The following MLXIP variants were observed in gnomAD, a reference collection of about 807,000 sequenced individuals.
The protein encoded by MLXIP is MLX interacting protein.
A neutral mutation model predicts 87.2 loss-of-function variants in MLXIP; 30 were observed. The observed-to-expected ratio is 0.34, with a 90% confidence interval of 0.26 to 0.47. MLXIP has a LOEUF of 0.47. Among genes scored for constraint, MLXIP ranks in the 20% least tolerant of loss-of-function variants. The probability of loss-of-function intolerance (pLI) is 1.00; values close to 1 mark genes in which losing one functional copy is unlikely to be tolerated. For synonymous variants in MLXIP, 530 were observed against 514.0 expected (o/e 1.03, Z -0.42); for missense variants, 1,002 against 1,240.1 (o/e 0.81, Z 2.88).
At chr12:122,132,408 G>C in intron 8 of MLXIP, 25 bp downstream of exon 8, 1 of 1,576,488 alleles carries the variant, frequency 6.3e-7, no homozygotes, top group South Asian at 1.1e-5. Context: ...GGGATGGGTG[G>C]GGGAAGGGGC....
chr12:122,102,042 T>G (rs1332017652), intron 1 of MLXIP, among the ~76,000 whole-genome samples: 1 of 152,204 alleles, frequency 6.6e-6, no homozygotes, highest in Non-Finnish European at 1.5e-5. Flanking sequence ...TTAAATTATT[T>G]CCTTGAGATA....
At chr12:122,140,839 T>C (rs1261753193) in intron 15 of MLXIP, 115 bp from the exon 16 acceptor site, 2 of 1,496,370 alleles carry the variant, frequency 1.3e-6, no homozygotes, top group Admixed American at 1.7e-5. Context: ...ATCCATTCTC[T>C]GTGGGCAGAT....
intron 5 of MLXIP, 149 bp downstream of exon 5, chr12:122,129,778 C>G: frequency 7.7e-7 from 1 of 1,302,650 alleles, no homozygotes; most frequent in Non-Finnish European, 1.1e-6. Context: ...CCAGCTCTCT[C>G]TCCTGGGTGG....
chr12:122,093,890 C>T lies in MLXIP; in HGVS notation c.413+14624C>T, dbSNP rs1372507806. ...TGTGGGGTGTGTTGGTGTGTGTTGG[C>T]ATGTGTGTGTGGTGTGTGTGTGTTT... is the stretch of plus-strand genomic sequence containing the variant. On this transcript the variant is annotated intron_variant, in intron 1 of 16. Coordinates refer to ENST00000319080, the MANE Select transcript of MLXIP (RefSeq NM_014938.6). 1.0e-3 allele frequency among the ~76,000 whole-genome samples: 72 copies of T among 71,172 alleles called. 3 individuals are homozygous for T. The South Asian group carries it at 0.031, about 30-fold the overall frequency. 46.7% of individuals were successfully genotyped at this position (71,172 alleles called of 152,430 possible). A position where few individuals can be genotyped will look rare whatever the true frequency, so the allele number is the denominator to read the frequency against.
At position 122,145,470 on chromosome 12, in the gene MLXIP, C is replaced by G. The variant is rs1324887364; in HGVS notation, c.*3658C>G. The G allele has an allele frequency of 6.6e-6, 1 of 152,344 alleles. No individual in the cohort carries two copies. The highest frequency in any genetic ancestry group is 1.9e-4 in the East Asian group (1 of 5,188). The allele number at this position is 152,344 out of a possible 1,614,324, so 9.4% of individuals were successfully genotyped here. A position where few individuals can be genotyped will look rare whatever the true frequency, so the allele number is the denominator to read the frequency against. On this transcript the variant is annotated 3_prime_UTR_variant, in exon 17 of 17. Coordinates refer to ENST00000319080, the MANE Select transcript of MLXIP (RefSeq NM_014938.6). ...AAAGTAGCACAGTGGCAGGCAGCAC[C>G]TCTGTCTGTTGCTGACGTTGGGGGG...
Position 122,141,868 on chromosome 12 carries a change from G to A in MLXIP, c.*56G>A, listed in dbSNP as rs1311263841. On this transcript the variant is annotated 3_prime_UTR_variant, in exon 17 of 17. Coordinates refer to ENST00000319080, the MANE Select transcript of MLXIP (RefSeq NM_014938.6). ...GCCAGGAGACCCTTCCCTGCCCATG[G>A]AGAGTAGGCTGCGCCCCCCAGCCCT... 3 of 1,599,656 alleles carry A rather than the reference G, an allele frequency of 1.9e-6. No homozygotes were observed. Among genetic ancestry groups the A allele is most frequent in the South Asian group, 1.1e-5 (1 of 90,102 alleles).
chr12:122,079,295 C>T (rs1393200392), intron 1 of MLXIP, 29 bp downstream of exon 1: 1 of 1,539,022 alleles, frequency 6.5e-7, no homozygotes, highest in Non-Finnish European at 8.8e-7. Flanking sequence ...CCCTGAGGCC[C>T]CGGCCGGAGG....
In MLXIP at chr12:122,135,592, C is replaced by T. The variant is rs540485650; in HGVS notation, c.1958C>T (p.Ala653Val). ...GTCTCCCGGCTCTTCCCAAGCACAG[C>T]GCAAGACCCCCTGGGGAAGGGCGAG... ...APVSRLFPST[A>V]QDPLGKGEQV... Residue 653 changes from alanine to valine, a missense_variant, in exon 11 of 17, where the codon GCG (alanine) becomes GTG (valine). By Grantham distance (64) the Ala-to-Val change is moderately conservative. Transcript: ENST00000319080. This position sits in a 1 kb window ranked among gnomAD's most constrained non-coding sequence, Gnocchi z 5.3. The T allele has an allele frequency of 1.1e-4, 172 of 1,587,712 alleles. 2 individuals are homozygous for T. In the South Asian group the frequency reaches 1.7e-3, roughly 15 times the overall value.
chr12:122,123,146 T>C (rs1277208535), intron 1 of MLXIP, among the ~76,000 whole-genome samples: 2 of 152,148 alleles, frequency 1.3e-5, no homozygotes, highest in Non-Finnish European at 2.9e-5. Flanking sequence ...TGCCCAGGGT[T>C]TCTGGGCATG....
chr12:122,099,243 A>G lies in MLXIP; in HGVS notation c.413+19977A>G, dbSNP rs981561477. On this transcript the variant is annotated intron_variant, in intron 1 of 16. Transcript: ENST00000319080. Reference sequence around the variant, plus strand: ...GCAACAGAGCAAGGCCATGTCTCCAAAAAAACCAAAACAAACCAAAACAAA... The same window carrying G: ...GCAACAGAGCAAGGCCATGTCTCCAGAAAAACCAAAACAAACCAAAACAAA... Among the ~76,000 whole-genome samples, 4 of 152,262 alleles carry G rather than the reference A, an allele frequency of 2.6e-5. No homozygotes were observed. In the East Asian group the frequency reaches 7.7e-4, roughly 29 times the overall value.
At chr12:122,118,184 G>A (rs755563558) in intron 1 of MLXIP, among the ~76,000 whole-genome samples, 49 of 151,976 alleles carry the variant, frequency 3.2e-4, no homozygotes, top group Non-Finnish European at 5.9e-4. Context: ...ACAAAGGGAT[G>A]AGTCATGTCC....
chr12:122,136,459 C>CAAAAAAAA lies in MLXIP; in HGVS notation c.2032+809_2032+816dup, dbSNP rs1224302321. The CAAAAAAAA allele has an allele frequency of 6.0e-3, 168 of 28,136 alleles. 5 individuals are homozygous for CAAAAAAAA. Among genetic ancestry groups the CAAAAAAAA allele is most frequent in the African/African-American group, 0.014 (154 of 10,676 alleles). The allele number at this position is 28,136 out of a possible 1,614,324, so 1.7% of individuals were successfully genotyped here. A position where few individuals can be genotyped will look rare whatever the true frequency, so the allele number is the denominator to read the frequency against. ...GAAACCTTGTCCCTATCAAAAAATG[C>CAAAAAAAA]AAAAAAAAAAAAAAAAAAAAAAAGC... On this transcript the variant is annotated intron_variant, in intron 11 of 16. Transcript: ENST00000319080.
At chr12:122,093,703 GTGTTGGTGTGGGGGGT>G (rs1952290042) in intron 1 of MLXIP, among the ~76,000 whole-genome samples, 1 of 134,486 alleles carries the variant, frequency 7.4e-6, no homozygotes, top group Admixed American at 7.8e-5. Flanking sequence ...TGTGTGGGGT[GTGTTGGTGTGGGGGGT>G]GTGTTTGCGG....
chr12:122,139,004 G>A, intron 15 of MLXIP, 66 bp downstream of exon 15: 12 of 1,593,828 alleles, frequency 7.5e-6, no homozygotes, highest in Non-Finnish European at 1.0e-5. Context: ...ACAGACCGTG[G>A]CACTGTAGTT....
At chr12:122,122,188 G>C (rs1212433944) in intron 1 of MLXIP, among the ~76,000 whole-genome samples, 1 of 152,196 alleles carries the variant, frequency 6.6e-6, no homozygotes, top group African/African-American at 2.4e-5. Flanking sequence ...AAGGAATGGA[G>C]CATAATCCAA....
chr12:122,092,159 G>A (rs868428128), intron 1 of MLXIP, among the ~76,000 whole-genome samples: 7 of 151,078 alleles, frequency 4.6e-5, no homozygotes, highest in African/African-American at 7.3e-5. Flanking sequence ...GTGCAGTGGC[G>A]CGATCTCAGC....
intron 15 of MLXIP, chr12:122,140,717 C>G (rs1751872371): frequency 1.6e-6 from 1 of 622,572 alleles, no homozygotes. Context: ...TCCCTGTCCC[C>G]TGCCTGCTCG....
Position 122,078,903 on chromosome 12 carries a change from G to T in MLXIP, c.50G>T (p.Gly17Val). ...MCSPRRPRSRGRQVLLKPQVS... is the reference protein window; with the variant it reads ...MCSPRRPRSRVRQVLLKPQVS... ...TCCCCGCGCCGGCCTCGCAGCCGGG[G>T]CCGCCAGGTGCTGCTCAAGCCCCAG... The change falls in exon 1 of 17, where the codon GGC becomes GTC. Residue 17 changes from glycine to valine, a missense_variant. Around this residue, in one of 3 missense-constraint regions of MLXIP, gnomAD observed 129 missense variants for 104.2 expected, o/e 1.24. Coordinates refer to ENST00000319080, the MANE Select transcript of MLXIP (RefSeq NM_014938.6). 1 of 1,145,316 alleles carries T rather than the reference G, an allele frequency of 8.7e-7. No homozygotes were observed. The highest frequency in any genetic ancestry group is 1.1e-6 in the Non-Finnish European group (1 of 927,240). The allele number at this position is 1,145,316 out of a possible 1,614,324, so 70.9% of individuals were successfully genotyped here. A position where few individuals can be genotyped will look rare whatever the true frequency, so the allele number is the denominator to read the frequency against.
In MLXIP at chr12:122,146,641, C is replaced by G. The variant is rs1351438382; in HGVS notation, c.*4829C>G. 4.4e-5 allele frequency: 6 copies of G among 137,436 alleles called. No individual in the cohort carries two copies. The highest frequency in any genetic ancestry group is 9.9e-5 in the Non-Finnish European group (6 of 60,830). 8.5% of individuals were successfully genotyped at this position (137,436 alleles called of 1,614,324 possible). A position where few individuals can be genotyped will look rare whatever the true frequency, so the allele number is the denominator to read the frequency against. Reference sequence around the variant, plus strand: ...GTATGCGTGTGTGTGTGTGTGTGTGCACGCGCGCGTGTGCGTGTTGACTTC... The same window carrying G: ...GTATGCGTGTGTGTGTGTGTGTGTGGACGCGCGCGTGTGCGTGTTGACTTC... On this transcript the variant is annotated 3_prime_UTR_variant, in exon 17 of 17. Transcript: ENST00000319080.
Sources: allele counts gnomAD v4.1 joint callset (sites outside exome capture counted in the v4.1 genomes callset), GRCh38; gene constraint gnomAD v4.1.1; regional missense constraint gnomAD v4.1.1; non-coding constraint Gnocchi (gnomAD v3.1); transcripts MANE v1.5; gene names NCBI Gene and HGNC (gene_info 2026-07-23, HGNC 2026-07-21).